The following RHOXF1 variants were observed in gnomAD, a reference collection of about 807,000 sequenced individuals.
The protein encoded by RHOXF1 is PEPP subfamily gene 1.
In RHOXF1, 1 loss-of-function variant was observed where a neutral mutation model predicts 9.7. The observed-to-expected ratio is 0.10, with a 90% confidence interval of 0.04 to 0.49. RHOXF1 has a LOEUF of 0.49. RHOXF1 is among the 20% of genes least tolerant of loss of function. The pLI is 0.95. For synonymous variants in RHOXF1, 72 were observed against 70.2 expected, an observed-to-expected ratio of 1.03 and a Z score of -0.13; for missense variants, 179 against 168.0, an observed-to-expected ratio of 1.07 and a Z score of -0.36.
At chrX:120,116,839 G>C (rs1556000731), upstream of RHOXF1, among the ~76,000 whole-genome samples, 1 of 111,479 alleles carries the variant, frequency 9.0e-6, no homozygotes, top group African/African-American at 3.3e-5. Flanking sequence ...GAATATCTTT[G>C]GCTATGCAAG....
In RHOXF1 at chrX:120,109,099, G is replaced by C. The variant is rs2057253244; in HGVS notation, c.*93C>G. The C allele has an allele frequency of 2.1e-6, 1 of 487,447 alleles. No individual in the cohort carries two copies. The highest frequency in any genetic ancestry group is 2.3e-5 in the African/African-American group (1 of 43,154). 40.2% of individuals were successfully genotyped at this position (487,447 alleles called of 1,213,427 possible). On this transcript the variant is annotated 3_prime_UTR_variant, in exon 3 of 3. Transcript: ENST00000217999. ...GATAACATAAGTGCAGAGGAGATAA[G>C]GGTAGCCTGAGCGGCATGGGCAGCC...
At chrX:120,116,472 C>T (rs1569313116), upstream of RHOXF1, 3 of 110,685 alleles carry the variant, frequency 2.7e-5, no homozygotes, top group Non-Finnish European at 5.7e-5. Flanking sequence ...AGTTATTACC[C>T]TGAGGAAAGC....
intron 2 of RHOXF1, among the ~76,000 whole-genome samples, chrX:120,109,546 C>A (rs1397737134): frequency 1.8e-5 from 2 of 109,171 alleles, no homozygotes; most frequent in Non-Finnish European, 3.8e-5. Context: ...TATCTCTCTT[C>A]TCCATTTTAT....
Position 120,115,506 on chromosome X carries a change from T to C in RHOXF1, c.357A>G (p.Glu119=). ...GGTATTGAGTGTGTCGGAAAACACTTTCCAGCTCCTCCACCTGCAACAGCG... is the reference window on the plus strand; with the variant it reads ...GGTATTGAGTGTGTCGGAAAACACTCTCCAGCTCCTCCACCTGCAACAGCG... The part of the protein sequence containing the change: ...KFTLLQVEEL[E]SVFRHTQYPD... Residue 119 remains glutamate (E), a synonymous_variant, in exon 1 of 3, where the codon GAA becomes GAG. Transcript: ENST00000217999. 8.8e-7 allele frequency: 1 copy of C among 1,132,857 alleles called. No individual in the cohort carries two copies. The highest frequency in any genetic ancestry group is 1.2e-6 in the Non-Finnish European group (1 of 858,288). 93.4% of individuals were successfully genotyped at this position (1,132,857 alleles called of 1,213,427 possible).
chrX:120,118,680 A>G (rs1403982601), upstream of RHOXF1, among the ~76,000 whole-genome samples: 1 of 111,121 alleles, frequency 9.0e-6, no homozygotes, highest in Non-Finnish European at 1.9e-5. Flanking sequence ...GGGATATTGC[A>G]TTAGTGTCCT....
intron 1 of RHOXF1, 109 bp from the exon 2 acceptor site, chrX:120,113,023 C>T (rs868946609): frequency 4.0e-6 from 2 of 494,284 alleles, no homozygotes; most frequent in South Asian, 4.9e-5. Context: ...AATCTCCCCT[C>T]ACACCTCCCC....
upstream of RHOXF1, among the ~76,000 whole-genome samples, chrX:120,117,077 C>A (rs1393360799): frequency 9.1e-6 from 1 of 109,525 alleles, no homozygotes; most frequent in African/African-American, 3.3e-5. Context: ...CCACTGACCC[C>A]AATAAGCCCA....
chrX:120,113,234 G>A (rs1278603633), intron 1 of RHOXF1, among the ~76,000 whole-genome samples: 3 of 109,819 alleles, frequency 2.7e-5, no homozygotes, highest in Non-Finnish European at 5.7e-5. Flanking sequence ...CTCCGCCTCC[G>A]GGGTTCAGAC....
At position 120,115,691 on chromosome X, in the gene RHOXF1, T is replaced by A; in HGVS notation, c.172A>T (p.Asn58Tyr). Residue 58 changes from asparagine to tyrosine, a missense_variant, in exon 1 of 3, where the codon AAC (asparagine) becomes TAC (tyrosine). Transcript: ENST00000217999. ...ATGCCGCCATCGCGGTTCATGCCGT[T>A]CTCGTGGTTCACACCGCCCTCAGGG... is the stretch of plus-strand genomic sequence containing the variant. Reference protein sequence around the residue: ...MNPEGGVNHENGMNRDGGMIP... With the variant: ...MNPEGGVNHEYGMNRDGGMIP... 8.3e-7 allele frequency: 1 copy of A among 1,206,767 alleles called. No individual in the cohort carries two copies. Among genetic ancestry groups the A allele is most frequent in the Admixed American group, 2.2e-5 (1 of 45,552 alleles).
rs199595044 is a variant in RHOXF1 at position 120,109,222 on chromosome X, T to C, written c.525A>G (p.Pro175=). The change falls in exon 3 of 3, where the codon CCA becomes CCG. Residue 175 remains proline (P), a synonymous_variant. Transcript: ENST00000217999. ...LMLANELRAD[P]DDCVYIVVD is the part of the protein sequence containing the mutation. The stretch of plus-strand genomic sequence containing the variant: ...CCACGACGATGTAGACACAGTCGTC[T>C]GGGTCAGCACGTAGTTCATTGGCGA... 1 of 1,194,130 alleles carries C rather than the reference T, an allele frequency of 8.4e-7. No individual in the cohort carries two copies. The highest frequency in any genetic ancestry group is 3.0e-5 in the East Asian group (1 of 33,461).
Position 120,115,456 on chromosome X carries a change from G to A in RHOXF1, c.398+9C>T. ...GGAGATCTCGTGGCTCCTGGAGCAG[G>A]CCACTTACCTTGTGGGCACATCAGG... On this transcript the variant is annotated intron_variant, in intron 1 of 2. Transcript: ENST00000217999. The A allele has an allele frequency of 9.2e-7, 1 of 1,087,814 alleles. No homozygotes were observed. Among genetic ancestry groups the A allele is most frequent in the Non-Finnish European group, 1.2e-6 (1 of 835,942 alleles). 89.6% of individuals were successfully genotyped at this position (1,087,814 alleles called of 1,213,427 possible).
chrX:120,113,514 C>G (rs192322044), intron 1 of RHOXF1, among the ~76,000 whole-genome samples: 1,240 of 109,950 alleles, frequency 0.011, 14 homozygotes, highest in South Asian at 0.05. Context: ...AGTGCAGTGG[C>G]AGGATCACTG....
At chrX:120,109,564 T>C (rs1265233903) in intron 2 of RHOXF1, among the ~76,000 whole-genome samples, 4 of 108,545 alleles carry the variant, frequency 3.7e-5, no homozygotes, top group African/African-American at 1.4e-4. Flanking sequence ...TATTTATTTA[T>C]TTATTTATTA....
chrX:120,109,635 G>A (rs1319835827), intron 2 of RHOXF1, among the ~76,000 whole-genome samples: 1 of 108,425 alleles, frequency 9.2e-6, no homozygotes, highest in Admixed American at 1.0e-4. Context: ...TGCCTGGGCT[G>A]GGATCCAGTG....
At chrX:120,114,135 CCAAA>C (rs1320558720) in intron 1 of RHOXF1, among the ~76,000 whole-genome samples, 5 of 109,954 alleles carry the variant, frequency 4.5e-5, no homozygotes, top group Non-Finnish European at 7.6e-5. Flanking sequence ...AAAAAACCAA[CCAAA>C]CAAACAAAAA....
chrX:120,113,909 C>T (rs1433176071), intron 1 of RHOXF1, among the ~76,000 whole-genome samples: 3 of 109,006 alleles, frequency 2.8e-5, no homozygotes, highest in Non-Finnish European at 5.7e-5. Flanking sequence ...CTGGGCAACA[C>T]GGCGAAACCT....
At chrX:120,112,945 T>C (rs781852330) in intron 1 of RHOXF1, 31 bp from the exon 2 acceptor site, 1 of 1,050,834 alleles carries the variant, frequency 9.5e-7, no homozygotes, top group Non-Finnish European at 1.3e-6. Context: ...ATGGTTAGTA[T>C]TCAAAGTTGT....
chrX:120,119,764 G>C (rs1375624692), upstream of RHOXF1: 2 of 112,330 alleles, frequency 1.8e-5, no homozygotes, highest in Non-Finnish European at 3.8e-5. Context: ...ACAAAAGTCA[G>C]ATTTTGGTTG....
chrX:120,116,518 G>A (rs970170117), upstream of RHOXF1: 1 of 110,931 alleles, frequency 9.0e-6, no homozygotes, highest in Non-Finnish European at 1.9e-5. Context: ...GAGATCTCAC[G>A]GTGACCATAG....
Sources: allele counts gnomAD v4.1 joint callset (sites outside exome capture counted in the v4.1 genomes callset), GRCh38; gene constraint gnomAD v4.1.1; transcripts MANE v1.5; gene names NCBI Gene and HGNC (gene_info 2026-07-23, HGNC 2026-07-21).